Variants in PACRG observed in about 807,000 individuals in gnomAD.
The protein encoded by PACRG is parkin coregulated gene protein.
PACRG carries 29 observed loss-of-function variants against 29.7 expected under a neutral mutation model. The ratio of observed to expected loss-of-function variants is 0.98; its 90% CI spans 0.73 to 1.33. The LOEUF is 1.33. PACRG is among the 40% of genes most tolerant of loss of function. The pLI, the probability that PACRG is intolerant of heterozygous loss-of-function variation, is 0.00. For missense variants in PACRG, 279 were observed against 316.2 expected (o/e 0.88, Z 0.89); for synonymous variants, 116 against 118.7 (o/e 0.98, Z 0.15).
At chr6:162,808,528 T>C (rs952533198) in intron 1 of PACRG, among the ~76,000 whole-genome samples, 1 of 152,204 alleles carries the variant, frequency 6.6e-6, no homozygotes, top group Non-Finnish European at 1.5e-5. Context: ...CATTCCTTCC[T>C]TATTATTATT....
chr6:163,296,635 A>C (rs1357054589), intron 4 of PACRG, among the ~76,000 whole-genome samples: 1 of 152,200 alleles, frequency 6.6e-6, no homozygotes, highest in African/African-American at 2.4e-5. Context: ...TTGGGGGCCC[A>C]GTGATGTAGT....
intron 4 of PACRG, among the ~76,000 whole-genome samples, chr6:163,239,857 C>T (rs1446294603): frequency 4.2e-5 from 6 of 144,468 alleles, no homozygotes; most frequent in Non-Finnish European, 9.1e-5. Context: ...CACACTCTCA[C>T]ACTCCCACCC....
intron 2 of PACRG, among the ~76,000 whole-genome samples, chr6:162,889,241 G>A (rs775167963): frequency 3.3e-5 from 5 of 151,970 alleles, no homozygotes; most frequent in South Asian, 2.1e-4. Context: ...TATTAAGTCT[G>A]TTCAGATGAT....
chr6:163,064,775 TA>T (rs1811392769), intron 3 of PACRG, among the ~76,000 whole-genome samples: 1 of 152,086 alleles, frequency 6.6e-6, no homozygotes, highest in South Asian at 2.1e-4. Context: ...CCATACCCAG[TA>T]TAATTTTGAC....
chr6:162,754,970 C>G (rs1324415302), intron 1 of PACRG, among the ~76,000 whole-genome samples: 1 of 152,122 alleles, frequency 6.6e-6, no homozygotes, highest in Non-Finnish European at 1.5e-5. Flanking sequence ...AATCTCTTTA[C>G]TTACTACTGG....
At chr6:163,279,174 G>A (rs1294000637) in intron 4 of PACRG, among the ~76,000 whole-genome samples, 1 of 152,146 alleles carries the variant, frequency 6.6e-6, no homozygotes, top group Non-Finnish European at 1.5e-5. Flanking sequence ...ACTGATTTGT[G>A]TACATTAATT....
chr6:162,744,463 C>T (rs1780833395), intron 1 of PACRG, among the ~76,000 whole-genome samples: 1 of 152,062 alleles, frequency 6.6e-6, no homozygotes, highest in Admixed American at 6.6e-5. Flanking sequence ...GGCATTGTGG[C>T]ACATAACTGT....
chr6:162,757,789 C>G (rs536490643), intron 1 of PACRG, among the ~76,000 whole-genome samples: 6 of 152,024 alleles, frequency 3.9e-5, no homozygotes, highest in African/African-American at 1.4e-4. Context: ...ATTGGCTTGA[C>G]TAATGCATAA....
intron 4 of PACRG, among the ~76,000 whole-genome samples, chr6:163,187,256 A>T (rs560274908): frequency 6.6e-6 from 1 of 152,114 alleles, no homozygotes; most frequent in East Asian, 1.9e-4. Flanking sequence ...CCCTCCATAG[A>T]CTGATCTGTT....
At chr6:162,786,738 G>C (rs1283437550) in intron 1 of PACRG, among the ~76,000 whole-genome samples, 1 of 148,896 alleles carries the variant, frequency 6.7e-6, no homozygotes, top group East Asian at 2.0e-4. Flanking sequence ...TTTTTTTACA[G>C]TAATACAATT....
intron 3 of PACRG, among the ~76,000 whole-genome samples, chr6:163,077,201 T>A (rs1337295491): frequency 6.6e-6 from 1 of 152,170 alleles, no homozygotes; most frequent in Non-Finnish European, 1.5e-5. Context: ...GTGGTGAGAG[T>A]ACATTTCTGT....
intron 4 of PACRG, among the ~76,000 whole-genome samples, chr6:163,250,226 A>G (rs1782848874): frequency 1.3e-5 from 2 of 152,250 alleles, no homozygotes; most frequent in Non-Finnish European, 2.9e-5. Context: ...TAATGGCGCC[A>G]CCAAAATGTG....
Position 163,092,363 on chromosome 6 carries a change from G to A in PACRG, c.613+2955G>A, listed in dbSNP as rs115836573. ...AAGGACCAGTTGGAAATCAAGTAGG[G>A]GAGGGAGGAACAGTCCATGCTCACA... On this transcript the variant is annotated intron_variant, in intron 4 of 4. Transcript: ENST00000366888. Among the ~76,000 whole-genome samples the A allele has an allele frequency of 3.9e-3, 594 of 152,240 alleles. 5 individuals carry two copies. The highest frequency in any genetic ancestry group is 0.014 in the African/African-American group (563 of 41,536).
At chr6:163,101,691 A>C (rs2128314094) in intron 4 of PACRG, among the ~76,000 whole-genome samples, 1 of 152,268 alleles carries the variant, frequency 6.6e-6, no homozygotes, top group East Asian at 1.9e-4. Flanking sequence ...TTAAAAAACA[A>C]CCCACACATT....
intron 1 of PACRG, among the ~76,000 whole-genome samples, chr6:162,781,307 C>A (rs759959261): frequency 6.6e-6 from 1 of 151,804 alleles, no homozygotes; most frequent in Non-Finnish European, 1.5e-5. Flanking sequence ...GGTGAAATAA[C>A]AAGTTGTTTT....
At chr6:162,837,481 T>G (rs776403115) in intron 2 of PACRG, among the ~76,000 whole-genome samples, 4 of 152,092 alleles carry the variant, frequency 2.6e-5, no homozygotes, top group Non-Finnish European at 4.4e-5. Context: ...AAAGGGTGAA[T>G]TCACAATGTT....
At chr6:162,837,156 A>G (rs974325726) in intron 2 of PACRG, among the ~76,000 whole-genome samples, 2 of 152,160 alleles carry the variant, frequency 1.3e-5, no homozygotes, top group African/African-American at 2.4e-5. Flanking sequence ...CTGAATGACA[A>G]TCTGAGGTAG....
intron 1 of PACRG, among the ~76,000 whole-genome samples, chr6:162,754,650 A>G (rs1316754402): frequency 1.3e-5 from 2 of 151,644 alleles, no homozygotes; most frequent in Non-Finnish European, 2.9e-5. Flanking sequence ...ATTTTTACAT[A>G]TGATATAAGA....
At chr6:162,807,285 T>C (rs1786433605) in intron 1 of PACRG, among the ~76,000 whole-genome samples, 1 of 152,228 alleles carries the variant, frequency 6.6e-6, no homozygotes, top group Non-Finnish European at 1.5e-5. Flanking sequence ...GCACTTTTTA[T>C]TTCCTTCAAG....
Sources: allele counts gnomAD v4.1 joint callset (sites outside exome capture counted in the v4.1 genomes callset), GRCh38; gene constraint gnomAD v4.1.1; transcripts MANE v1.5; gene names NCBI Gene and HGNC (gene_info 2026-07-23, HGNC 2026-07-21).